Variants in SS18 observed in about 807,000 individuals in gnomAD.
SS18 encodes the protein SS18 subunit of BAF chromatin remodeling complex, also known as protein SSXT.
A neutral mutation model predicts 72.5 loss-of-function variants in SS18; 28 were observed. The ratio of observed to expected loss-of-function variants is 0.39; its 90% CI spans 0.29 to 0.53. SS18 has a LOEUF of 0.53. Ranked by LOEUF, SS18 falls within the 20% of genes least tolerant of loss-of-function variation. The pLI is 0.76. For synonymous variants in SS18, 172 were observed against 164.2 expected (o/e 1.05, Z -0.37); for missense variants, 518 against 535.3 (o/e 0.97, Z 0.32).
intron 3 of SS18, among the ~76,000 whole-genome samples, chr18:26,077,325 CCTCT>C (rs1466214918): frequency 6.6e-6 from 1 of 151,992 alleles, no homozygotes; most frequent in African/African-American, 2.4e-5. Context: ...ACTAATTAAG[CCTCT>C]CTAATTACCA....
chr18:26,069,522 A>G (rs1473284643), intron 3 of SS18, among the ~76,000 whole-genome samples: 1 of 150,590 alleles, frequency 6.6e-6, no homozygotes, highest in East Asian at 1.9e-4. Flanking sequence ...AAAAAAAAAA[A>G]AAAAGAAAAA....
rs115616267 is a variant in SS18 at position 26,076,601 on chromosome 18, G to A, written c.231+1475C>T. ...TATACTGATTAAAATATCCCCAGTGGGATGTATCTTAGGGACAAGCATCTT... is the reference window on the plus strand; with the variant it reads ...TATACTGATTAAAATATCCCCAGTGAGATGTATCTTAGGGACAAGCATCTT... On this transcript the variant is annotated intron_variant, in intron 3 of 10. Transcript: ENST00000415083. 8.0e-4 allele frequency among the ~76,000 whole-genome samples: 122 copies of A among 152,026 alleles called. 1 individual carries two copies. The highest frequency in any genetic ancestry group is 2.8e-3 in the African/African-American group (118 of 41,540).
intron 5 of SS18, among the ~76,000 whole-genome samples, chr18:26,040,553 C>G (rs1321967466): frequency 6.6e-6 from 1 of 152,036 alleles, no homozygotes; most frequent in Admixed American, 6.6e-5. Context: ...CCCAAATGAG[C>G]CAAAAGTTCA....
chr18:26,090,207 G>C, intron 1 of SS18: 1 of 439,682 alleles, frequency 2.3e-6, no homozygotes. Context: ...CCGGGCGCAC[G>C]CGCCCCGCAG....
intron 10 of SS18, among the ~76,000 whole-genome samples, chr18:26,021,718 T>A (rs147116665): frequency 5.9e-5 from 9 of 152,298 alleles, no homozygotes; most frequent in African/African-American, 1.7e-4. Flanking sequence ...TGTCATTTAT[T>A]AGACAAGGGA....
At chr18:26,065,577 TATCTTC>T (rs1439577485) in intron 3 of SS18, among the ~76,000 whole-genome samples, 1 of 151,834 alleles carries the variant, frequency 6.6e-6, no homozygotes. Flanking sequence ...AATATACATG[TATCTTC>T]ATATTATCAT....
intron 1 of SS18, among the ~76,000 whole-genome samples, chr18:26,089,548 A>G (rs2054677218): frequency 6.6e-6 from 1 of 152,246 alleles, no homozygotes; most frequent in Non-Finnish European, 1.5e-5. Context: ...ATAAAACAAA[A>G]CAAAAATATT....
chr18:26,028,470 C>T (rs1369736681), intron 10 of SS18, among the ~76,000 whole-genome samples: 3 of 152,154 alleles, frequency 2.0e-5, no homozygotes, highest in African/African-American at 7.2e-5. Context: ...TAGGTATTTA[C>T]CCAAGAAAAA....
At chr18:26,018,531 G>GT in intron 10 of SS18, 151 bp from the exon 11 acceptor site, 8 of 508,762 alleles carry the variant, frequency 1.6e-5, no homozygotes, top group Non-Finnish European at 2.8e-5. Flanking sequence ...TAGGTATACA[G>GT]TATCACCCTG....
At chr18:26,020,195 T>A (rs1484497234) in intron 10 of SS18, among the ~76,000 whole-genome samples, 3 of 152,172 alleles carry the variant, frequency 2.0e-5, no homozygotes, top group African/African-American at 7.2e-5. Flanking sequence ...CTTATTTGAG[T>A]CTAAAAAAAC....
intron 3 of SS18, among the ~76,000 whole-genome samples, chr18:26,075,463 AT>A (rs1438498046): frequency 6.6e-6 from 1 of 151,972 alleles, no homozygotes; most frequent in African/African-American, 2.4e-5. Context: ...ACATTAACAG[AT>A]TAAAGAAGAA....
At position 26,063,483 on chromosome 18, in the gene SS18, C is replaced by G. The variant is rs142016589; in HGVS notation, c.232-5741G>C. On this transcript the variant is annotated intron_variant, in intron 3 of 10. Coordinates refer to ENST00000415083, the MANE Select transcript of SS18 (RefSeq NM_001007559.3). ...GCAGTGAGCCGACCATGCCACTGCA[C>G]TTCAGCCTGGGCGACAGAGCGAGAC... Among the ~76,000 whole-genome samples, 658 of 152,166 alleles carry G rather than the reference C, an allele frequency of 4.3e-3. 4 individuals are homozygous for G. The highest frequency in any genetic ancestry group is 0.014 in the African/African-American group (593 of 41,496).
intron 3 of SS18, among the ~76,000 whole-genome samples, chr18:26,075,644 T>C (rs528526642): frequency 5.9e-5 from 9 of 152,046 alleles, no homozygotes; most frequent in African/African-American, 2.2e-4. Flanking sequence ...GGTCAAACAG[T>C]GAAAGCTTTC....
intron 2 of SS18, among the ~76,000 whole-genome samples, chr18:26,083,652 A>G (rs538705780): frequency 1.3e-5 from 2 of 152,184 alleles, no homozygotes; most frequent in Non-Finnish European, 2.9e-5. Flanking sequence ...GAAAAGGTGC[A>G]GTAGGAAGAT....
intron 4 of SS18, 28 bp downstream of exon 4, chr18:26,057,561 G>A (rs1413753171): frequency 6.2e-7 from 1 of 1,613,744 alleles, no homozygotes; most frequent in Non-Finnish European, 8.5e-7. Context: ...CAACTCTGGT[G>A]TTAATGTCTT....
At chr18:26,048,781 TTTC>T (rs1187721460) in intron 5 of SS18, among the ~76,000 whole-genome samples, 5 of 152,238 alleles carry the variant, frequency 3.3e-5, no homozygotes, top group Non-Finnish European at 5.9e-5. Context: ...GAATCAACAC[TTTC>T]TTAATACTAT....
intron 3 of SS18, among the ~76,000 whole-genome samples, chr18:26,072,573 G>C (rs1312257187): frequency 2.0e-5 from 3 of 151,870 alleles, no homozygotes; most frequent in Non-Finnish European, 4.4e-5. Flanking sequence ...CAAGGCAGAC[G>C]GATCACGAGG....
chr18:26,090,485 C>A lies in SS18; in HGVS notation c.69+16G>T. On this transcript the variant is annotated intron_variant, in intron 1 of 10. Coordinates refer to ENST00000415083, the MANE Select transcript of SS18 (RefSeq NM_001007559.3). ...GGCGGTAAGGGCCTGGCATCCGCAACCCCGCGCGGTTTCACCTTCTGAATC... is the reference window on the plus strand; with the variant it reads ...GGCGGTAAGGGCCTGGCATCCGCAAACCCGCGCGGTTTCACCTTCTGAATC... The A allele has an allele frequency of 6.4e-7, 1 of 1,560,268 alleles. No homozygotes were observed. Among genetic ancestry groups the A allele is most frequent in the South Asian group, 1.2e-5 (1 of 84,572 alleles).
At chr18:26,089,941 G>C (rs1447300541) in intron 1 of SS18, 1 of 152,864 alleles carries the variant, frequency 6.5e-6, no homozygotes, top group African/African-American at 2.4e-5. Flanking sequence ...GAGTCCATGG[G>C]GACCTTCCTT....
Sources: gnomAD v4.1 joint callset for allele counts (sites outside exome capture counted in the v4.1 genomes callset) on GRCh38, gnomAD v4.1.1 for gene constraint, MANE v1.5 for transcripts, NCBI Gene and HGNC (gene_info 2026-07-23, HGNC 2026-07-21) for gene names.